The following ASXL2 variants were observed in gnomAD, a reference collection of about 807,000 sequenced individuals.
ASXL2 encodes the protein ASXL transcriptional regulator 2, also known as putative Polycomb group protein ASXL2.
Under a neutral mutation model 122.0 loss-of-function variants are expected in ASXL2, and 23 were observed. The ratio of observed to expected loss-of-function variants is 0.19; its 90% CI spans 0.14 to 0.27. The LOEUF (loss-of-function observed/expected upper bound fraction) is 0.27, where lower values mean the gene tolerates loss of function less well. Ranked by LOEUF, ASXL2 falls within the 10% of genes least tolerant of loss-of-function variation. The probability of loss-of-function intolerance (pLI) is 1.00; values close to 1 mark genes in which losing one functional copy is unlikely to be tolerated. For synonymous variants in ASXL2, 650 were observed against 637.0 expected, an observed-to-expected ratio of 1.02 and a Z score of -0.31; for missense variants, 1,518 against 1,713.8, an observed-to-expected ratio of 0.89 and a Z score of 2.02.
chr2:25,877,265 C>G (rs1443481582), intron 1 of ASXL2, among the ~76,000 whole-genome samples: 1 of 152,186 alleles, frequency 6.6e-6, no homozygotes, highest in African/African-American at 2.4e-5. Context: ...GCACCCTCAA[C>G]GATGTATGAA....
intron 6 of ASXL2, among the ~76,000 whole-genome samples, chr2:25,770,537 T>C (rs1249223457): frequency 1.3e-5 from 2 of 151,492 alleles, no homozygotes; most frequent in African/African-American, 4.9e-5. Context: ...GTTGAATCAC[T>C]TGAGGTCAGC....
intron 5 of ASXL2, among the ~76,000 whole-genome samples, chr2:25,790,800 CTTTTTT>C (rs35046164): frequency 1.8e-5 from 2 of 108,848 alleles, no homozygotes; most frequent in African/African-American, 3.5e-5. Context: ...AGTTTTTTGT[CTTTTTT>C]TTTTTTTTTT....
chr2:25,819,640 T>G (rs1358038019), intron 3 of ASXL2, among the ~76,000 whole-genome samples: 2 of 152,134 alleles, frequency 1.3e-5, no homozygotes, highest in South Asian at 2.1e-4. Context: ...ACAGCTGGCC[T>G]GCACTAAAAA....
At chr2:25,837,561 G>C (rs913896538) in intron 2 of ASXL2, among the ~76,000 whole-genome samples, 1 of 152,108 alleles carries the variant, frequency 6.6e-6, no homozygotes, top group Non-Finnish European at 1.5e-5. Flanking sequence ...TTTTAAAAAA[G>C]CGTCTTCAGG....
intron 3 of ASXL2, among the ~76,000 whole-genome samples, chr2:25,831,625 GC>G (rs1484870549): frequency 6.6e-6 from 1 of 152,122 alleles, no homozygotes; most frequent in African/African-American, 2.4e-5. Flanking sequence ...CTGCACTCCA[GC>G]CTGGGCAACA....
chr2:25,744,342 T>A lies in ASXL2; in HGVS notation c.1995A>T (p.Gln665His). Reference protein sequence around the residue: ...RTLADIKAKAQLVKAQRAAAA... With the variant: ...RTLADIKAKAHLVKAQRAAAA... ...CTGCTGCCCTCTGTGCTTTGACCAG[T>A]TGGGCTTTTGCTTTGATGTCTGCAA... Residue 665 changes from glutamine to histidine, a missense_variant, in exon 13 of 13, where the codon CAA becomes CAT. Coordinates refer to ENST00000435504, the MANE Select transcript of ASXL2 (RefSeq NM_018263.6). The surrounding 1 kb of genome is among the most constrained non-coding windows in gnomAD (Gnocchi z 4.7). 2 of 1,613,994 alleles carry A rather than the reference T, an allele frequency of 1.2e-6. No homozygotes were observed. The highest frequency in any genetic ancestry group is 1.7e-6 in the Non-Finnish European group (2 of 1,179,882).
At chr2:25,799,759 T>C (rs148973432) in intron 4 of ASXL2, among the ~76,000 whole-genome samples, 13 of 152,292 alleles carry the variant, frequency 8.5e-5, no homozygotes, top group African/African-American at 1.2e-4. Context: ...AACATTCATA[T>C]GCAGGCACAA....
intron 1 of ASXL2, among the ~76,000 whole-genome samples, chr2:25,858,433 A>G (rs921397315): frequency 1.3e-5 from 2 of 150,638 alleles, no homozygotes; most frequent in East Asian, 3.9e-4. Context: ...AAAAAAAAAA[A>G]TTTTTTTTTG....
rs1485022233 is a variant in ASXL2 at position 25,742,380 on chromosome 2, G to A, written c.3957C>T (p.Ser1319=). Residue 1319 remains serine, a synonymous_variant, in exon 13 of 13, where the codon AGC becomes AGT. Transcript: ENST00000435504. Reference sequence around the variant, plus strand: ...TATAGCTTGGCCCTATCTGGGTGGGGCTTCCATACAACTTCGGGGTTTGCA... The same window carrying A: ...TATAGCTTGGCCCTATCTGGGTGGGACTTCCATACAACTTCGGGGTTTGCA... ...PPLQTPKLYG[S]PTQIGPSYRG... The A allele has an allele frequency of 6.8e-7, 1 of 1,464,464 alleles. No individual in the cohort carries two copies. The highest frequency in any genetic ancestry group is 1.5e-5 in the African/African-American group (1 of 65,074). 90.7% of individuals were successfully genotyped at this position (1,464,464 alleles called of 1,614,324 possible).
At chr2:25,829,863 T>A (rs1348093534) in intron 3 of ASXL2, among the ~76,000 whole-genome samples, 1 of 152,230 alleles carries the variant, frequency 6.6e-6, no homozygotes, top group Non-Finnish European at 1.5e-5. Context: ...GGCCTGAGAC[T>A]ACAACACCTC....
At chr2:25,782,657 C>T (rs1313548988) in intron 5 of ASXL2, among the ~76,000 whole-genome samples, 1 of 152,144 alleles carries the variant, frequency 6.6e-6, no homozygotes, top group East Asian at 1.9e-4. Context: ...ACTAGTGTTC[C>T]CCCTTAAGAC....
At chr2:25,826,963 C>G (rs2089385785) in intron 3 of ASXL2, among the ~76,000 whole-genome samples, 1 of 151,270 alleles carries the variant, frequency 6.6e-6, no homozygotes. Flanking sequence ...AGTAGCTGAA[C>G]CACATGTCTG....
intron 5 of ASXL2, among the ~76,000 whole-genome samples, chr2:25,775,752 T>C (rs1272717573): frequency 1.3e-5 from 2 of 152,326 alleles, no homozygotes; most frequent in African/African-American, 4.8e-5. Context: ...GTCTCAGGTA[T>C]TTATAGCAGT....
At chr2:25,826,245 G>C (rs977590221) in intron 3 of ASXL2, among the ~76,000 whole-genome samples, 5 of 151,372 alleles carry the variant, frequency 3.3e-5, no homozygotes, top group African/African-American at 1.2e-4. Flanking sequence ...AATTATCTTT[G>C]AAAGTGGGCT....
At chr2:25,774,178 C>T (rs1574409397) in intron 5 of ASXL2, among the ~76,000 whole-genome samples, 1 of 151,908 alleles carries the variant, frequency 6.6e-6, no homozygotes, top group African/African-American at 2.4e-5. Flanking sequence ...TCCTGGGTGA[C>T]AAAGTATTCT....
At chr2:25,813,037 G>C (rs887340219) in intron 3 of ASXL2, among the ~76,000 whole-genome samples, 10 of 152,086 alleles carry the variant, frequency 6.6e-5, no homozygotes, top group Non-Finnish European at 1.5e-4. Flanking sequence ...GAACTAGAAA[G>C]AGATTACTTT....
chr2:25,856,505 C>A, intron 1 of ASXL2: 1 of 1,085,472 alleles, frequency 9.2e-7, no homozygotes, highest in South Asian at 1.2e-5. Context: ...GCAAAGACAG[C>A]CTTGTCCCCA....
In ASXL2 at chr2:25,784,963, G is replaced by A. The variant is rs137943538; in HGVS notation, c.404-13423C>T. On this transcript the variant is annotated intron_variant, in intron 5 of 12. Coordinates refer to ENST00000435504, the MANE Select transcript of ASXL2 (RefSeq NM_018263.6). Reference sequence around the variant, plus strand: ...TATTTTCCAGAGCTATACAGATGGTGTGAACTTAACACTGTCATTCATTGA... The same window carrying A: ...TATTTTCCAGAGCTATACAGATGGTATGAACTTAACACTGTCATTCATTGA... 2.0e-5 allele frequency among the ~76,000 whole-genome samples: 3 copies of A among 152,308 alleles called. No individual in the cohort carries two copies. In the East Asian group the frequency reaches 5.8e-4, roughly 29 times the overall value.
In ASXL2 at chr2:25,736,616, T is replaced by C. The variant is rs1047784092; in HGVS notation, c.*5413A>G. The C allele has an allele frequency of 1.5e-5, 2 of 129,086 alleles. No homozygotes were observed. Among genetic ancestry groups the C allele is most frequent in the African/African-American group, 5.8e-5 (2 of 34,610 alleles). 8.0% of individuals were successfully genotyped at this position (129,086 alleles called of 1,614,324 possible). A position where few individuals can be genotyped will look rare whatever the true frequency, so the allele number is the denominator to read the frequency against. ...ACTTGACATTCCAGTATCTGAAAAA[T>C]AAAAACTGTCTTTTAAAAAGCCAAT... On this transcript the variant is annotated 3_prime_UTR_variant, in exon 13 of 13. Transcript: ENST00000435504.
Sources: gnomAD v4.1 joint callset for allele counts (sites outside exome capture counted in the v4.1 genomes callset) on GRCh38, gnomAD v4.1.1 for gene constraint, Gnocchi (gnomAD v3.1) non-coding constraint, MANE v1.5 for transcripts, NCBI Gene and HGNC (gene_info 2026-07-23, HGNC 2026-07-21) for gene names.